The following ADK variants were observed in gnomAD, a reference collection of about 807,000 sequenced individuals.
ADK encodes adenosine kinase, also known as N6,N6-dimethyladenosine kinase.
A neutral mutation model predicts 44.7 loss-of-function variants in ADK; 24 were observed. The ratio of observed to expected loss-of-function variants is 0.54; its 90% confidence interval spans 0.39 to 0.76. The LOEUF (loss-of-function observed/expected upper bound fraction) is 0.76. Ranked by LOEUF, ADK falls within the 30% of genes least tolerant of loss-of-function variation. ADK has a pLI of 0.00. For synonymous variants in ADK, 128 were observed against 142.6 expected, an observed-to-expected ratio of 0.90 and a Z score of 0.73; for missense variants, 321 against 425.1, an observed-to-expected ratio of 0.76 and a Z score of 2.15.
chr10:74,589,271 T>G lies in ADK; in HGVS notation c.727-11T>G. 2 of 1,613,556 alleles carry G rather than the reference T, an allele frequency of 1.2e-6. No individual in the cohort carries two copies. The highest frequency in any genetic ancestry group is 1.7e-6 in the Non-Finnish European group (2 of 1,179,684). The stretch of plus-strand genomic sequence containing the variant: ...TTTATAATTAACTGTTCTTTTTTTT[T>G]TTTATTTCAGGAAGCTGCCACTTTT... On this transcript the variant is annotated splice_polypyrimidine_tract_variant and intron_variant, in intron 7 of 10. Transcript: ENST00000539909.
At chr10:74,259,072 C>T (rs1353197395) in intron 3 of ADK, among the ~76,000 whole-genome samples, 1 of 151,302 alleles carries the variant, frequency 6.6e-6, no homozygotes, top group Non-Finnish European at 1.5e-5. Context: ...GTGCCTTAGC[C>T]TCCCAAGTAG....
chr10:74,261,145 G>A (rs1846022008), intron 3 of ADK, among the ~76,000 whole-genome samples: 1 of 152,086 alleles, frequency 6.6e-6, no homozygotes, highest in South Asian at 2.1e-4. Flanking sequence ...TGTAAGTATT[G>A]AGTGCTGTAA....
At chr10:74,565,683 T>A (rs1468246117) in intron 7 of ADK, among the ~76,000 whole-genome samples, 1 of 133,934 alleles carries the variant, frequency 7.5e-6, no homozygotes. Flanking sequence ...GCCGAGATCA[T>A]GCCATTGCAC....
At chr10:74,181,125 T>A (rs912621157) in intron 1 of ADK, among the ~76,000 whole-genome samples, 1 of 152,196 alleles carries the variant, frequency 6.6e-6, no homozygotes, top group Admixed American at 6.5e-5. Flanking sequence ...TAGTGTGACA[T>A]GTTCAAGTTC....
chr10:74,474,617 C>T (rs996419910), intron 6 of ADK, among the ~76,000 whole-genome samples: 11 of 151,542 alleles, frequency 7.3e-5, no homozygotes, highest in South Asian at 2.1e-4. Context: ...GATCATGGCT[C>T]GCTGAAACCT....
At chr10:74,402,918 G>A (rs1468474181) in intron 6 of ADK, among the ~76,000 whole-genome samples, 1 of 152,134 alleles carries the variant, frequency 6.6e-6, no homozygotes, top group Admixed American at 6.5e-5. Flanking sequence ...GTGACCTACA[G>A]ATAGGGTTTT....
chr10:74,619,012 T>TTGTGTGTGTGTGTGTGTG (rs56168944), intron 9 of ADK, among the ~76,000 whole-genome samples: 3 of 139,382 alleles, frequency 2.2e-5, no homozygotes, highest in African/African-American at 5.4e-5. Context: ...TTTATGCTCT[T>TTGTGTGTGTGTGTGTGTG]TGTGTGTGTG....
At chr10:74,655,922 G>C in intron 9 of ADK, 1 of 686,738 alleles carries the variant, frequency 1.5e-6, no homozygotes, top group Non-Finnish European at 2.8e-6. Flanking sequence ...AGGTTGGCAA[G>C]CTGCCCATCT....
chr10:74,161,455 T>G (rs1266787575), intron 1 of ADK, among the ~76,000 whole-genome samples: 1 of 152,310 alleles, frequency 6.6e-6, no homozygotes, highest in South Asian at 2.1e-4. Flanking sequence ...GTGATCTACC[T>G]GCCTCAACCT....
chr10:74,703,792 C>G (rs1006639959), intron 10 of ADK, among the ~76,000 whole-genome samples: 3 of 152,176 alleles, frequency 2.0e-5, no homozygotes, highest in African/African-American at 7.2e-5. Flanking sequence ...AAAAGATACA[C>G]TGAAGTTTTC....
At chr10:74,218,250 A>G (rs1186598012) in intron 2 of ADK, among the ~76,000 whole-genome samples, 2 of 152,242 alleles carry the variant, frequency 1.3e-5, no homozygotes, top group Non-Finnish European at 2.9e-5. Flanking sequence ...GATGTGATCA[A>G]CTGGAAGAAA....
chr10:74,301,204 G>A (rs56015006), intron 3 of ADK, among the ~76,000 whole-genome samples: 45,772 of 152,028 alleles, frequency 0.3, 8,795 homozygotes, highest in Non-Finnish European at 0.44. Context: ...GAATATTTGC[G>A]ATCAATTTTG....
chr10:74,240,076 A>G (rs1845144341), intron 3 of ADK, among the ~76,000 whole-genome samples: 1 of 150,986 alleles, frequency 6.6e-6, no homozygotes, highest in African/African-American at 2.4e-5. Context: ...GTATAGTGGC[A>G]CGATCTGAGC....
intron 6 of ADK, among the ~76,000 whole-genome samples, chr10:74,461,382 A>C (rs1222566441): frequency 1.3e-5 from 2 of 152,080 alleles, no homozygotes; most frequent in East Asian, 3.9e-4. Context: ...AAAGGGTTTG[A>C]TTATTTTGGC....
At chr10:74,325,129 C>A (rs1357146827) in intron 4 of ADK, among the ~76,000 whole-genome samples, 1 of 152,016 alleles carries the variant, frequency 6.6e-6, no homozygotes, top group Non-Finnish European at 1.5e-5. Flanking sequence ...TGAATGCAGG[C>A]TGTCTTTTAT....
chr10:74,591,653 A>G (rs1851725193), intron 8 of ADK, among the ~76,000 whole-genome samples: 1 of 152,222 alleles, frequency 6.6e-6, no homozygotes, highest in Non-Finnish European at 1.5e-5. Context: ...CTTTATCTTA[A>G]TAGTTTTCTG....
chr10:74,278,982 T>TA (rs1166398724), intron 3 of ADK, among the ~76,000 whole-genome samples: 5 of 152,160 alleles, frequency 3.3e-5, no homozygotes, highest in East Asian at 3.9e-4. Context: ...CTTGGCTTCA[T>TA]AAAAAAAATT....
chr10:74,630,228 CAAAT>C (rs1396372567), intron 9 of ADK, among the ~76,000 whole-genome samples: 3 of 151,074 alleles, frequency 2.0e-5, no homozygotes, highest in South Asian at 4.2e-4. Context: ...GAATTTTTGT[CAAAT>C]AAATAAATAA....
intron 2 of ADK, among the ~76,000 whole-genome samples, chr10:74,222,527 C>A (rs1400923489): frequency 6.6e-6 from 1 of 152,054 alleles, no homozygotes; most frequent in Non-Finnish European, 1.5e-5. Context: ...ACCCAAAGGA[C>A]TATAAATCAT....
Sources: gnomAD v4.1 joint callset for allele counts (sites outside exome capture counted in the v4.1 genomes callset) on GRCh38, gnomAD v4.1.1 for gene constraint, MANE v1.5 for transcripts, NCBI Gene and HGNC (gene_info 2026-07-23, HGNC 2026-07-21) for gene names.